HERC2: variants seen among roughly 807,000 people sequenced by gnomAD.
The protein encoded by HERC2 is E3 ubiquitin-protein ligase HERC2.
HERC2 carries 102 observed loss-of-function variants against 537.7 expected under a neutral mutation model. The observed-to-expected ratio is 0.19, with a 90% CI of 0.16 to 0.22. The LOEUF (loss-of-function observed/expected upper bound fraction) is 0.22. Ranked by LOEUF, HERC2 falls within the 10% of genes least tolerant of loss-of-function variation. HERC2 has a pLI of 1.00. For synonymous variants in HERC2, 2,224 were observed against 2,466.2 expected (o/e 0.90, Z 2.91); for missense variants, 4,236 against 6,198.2 (o/e 0.68, Z 10.63).
At chr15:28,276,012 C>T (rs2075861917) in intron 5 of HERC2, among the ~76,000 whole-genome samples, 1 of 151,262 alleles carries the variant, frequency 6.6e-6, no homozygotes, top group South Asian at 2.1e-4. Context: ...TATGACGAAA[C>T]CCTGTCTCCA....
intron 26 of HERC2, among the ~76,000 whole-genome samples, chr15:28,235,474 C>T (rs946052336): frequency 6.6e-6 from 1 of 152,134 alleles, no homozygotes; most frequent in Admixed American, 6.5e-5. Context: ...GCCCAGCACC[C>T]AGCACTGCAC....
chr15:28,196,307 C>A lies in HERC2; in HGVS notation c.8168G>T (p.Cys2723Phe), dbSNP rs1596192333. Residue 2723 changes from cysteine (C) to phenylalanine (F), a missense_variant, in exon 52 of 93, where the codon TGC (cysteine) becomes TTC (phenylalanine). Transcript: ENST00000261609. Reference sequence around the variant, plus strand: ...AAAATCAAAGTCATCACAGTTTCTGCATTTGAATCTGGATCCATTGATAGG... The same window carrying A: ...AAAATCAAAGTCATCACAGTTTCTGAATTTGAATCTGGATCCATTGATAGG... ...MFPINGSRFK[C>F]RNCDDFDFCE... 1 of 1,447,002 alleles carries A rather than the reference C, an allele frequency of 6.9e-7. No individual in the cohort carries two copies. Among genetic ancestry groups the A allele is most frequent in the East Asian group, 2.3e-5 (1 of 43,768 alleles). 89.6% of individuals were successfully genotyped at this position (1,447,002 alleles called of 1,614,324 possible).
intron 23 of HERC2, among the ~76,000 whole-genome samples, chr15:28,239,323 A>G (rs1172885898): frequency 1.3e-5 from 2 of 152,206 alleles, no homozygotes; most frequent in East Asian, 1.9e-4. Context: ...AAAGAAAAAC[A>G]CCAAATCAAT....
chr15:28,268,337 T>G lies in HERC2; in HGVS notation c.1598+128A>C. 1 of 816,882 alleles carries G rather than the reference T, an allele frequency of 1.2e-6. No individual in the cohort carries two copies. The highest frequency in any genetic ancestry group is 2.6e-5 in the East Asian group (1 of 39,002). The allele number at this position is 816,882 out of a possible 1,614,324, so 50.6% of individuals were successfully genotyped here. On this transcript the variant is annotated intron_variant, in intron 12 of 92. Transcript: ENST00000261609. The surrounding 1 kb of genome is among the most constrained non-coding windows in gnomAD (Gnocchi z 4.7). Reference sequence around the variant, plus strand: ...AAGGAGGAGGCATATCGTAGTGTCCTGCTCCATCCCAGCGCTACATGTCAG... The same window carrying G: ...AAGGAGGAGGCATATCGTAGTGTCCGGCTCCATCCCAGCGCTACATGTCAG...
At chr15:28,270,248 G>A (rs866297828) in intron 10 of HERC2, among the ~76,000 whole-genome samples, 1 of 143,228 alleles carries the variant, frequency 7.0e-6, no homozygotes, top group Non-Finnish European at 1.5e-5. Flanking sequence ...TTTATTTATA[G>A]ATAGATAGAT....
At chr15:28,197,323 C>T (rs1465498047) in intron 50 of HERC2, among the ~76,000 whole-genome samples, 1 of 152,192 alleles carries the variant, frequency 6.6e-6, no homozygotes, top group Non-Finnish European at 1.5e-5. Context: ...ACATAGTATA[C>T]CTTTCAAAGT....
intron 83 of HERC2, among the ~76,000 whole-genome samples, chr15:28,125,959 G>A (rs781392018): frequency 1.3e-5 from 2 of 152,168 alleles, no homozygotes; most frequent in East Asian, 1.9e-4. Context: ...TCACAGGCAC[G>A]CACCACCATG....
intron 56 of HERC2, among the ~76,000 whole-genome samples, chr15:28,186,230 T>C (rs1449592653): frequency 6.6e-6 from 1 of 152,134 alleles, no homozygotes; most frequent in Non-Finnish European, 1.5e-5. Flanking sequence ...CAAAAAGAGC[T>C]TTAAAATATA....
chr15:28,177,155 C>G lies in HERC2; in HGVS notation c.9255-28G>C. On this transcript the variant is annotated intron_variant, in intron 60 of 92. Coordinates refer to ENST00000261609, the MANE Select transcript of HERC2 (RefSeq NM_004667.6). This position sits in a 1 kb window ranked among gnomAD's most constrained non-coding sequence, Gnocchi z 5.0. The stretch of plus-strand genomic sequence containing the variant: ...ACAACAAGATGAAATCAGCTCTCTA[C>G]AGTCAATCTGTCCCTTCTTAGAGAT... The G allele has an allele frequency of 6.3e-7, 1 of 1,595,604 alleles. No homozygotes were observed. The highest frequency in any genetic ancestry group is 2.2e-5 in the East Asian group (1 of 44,526).
intron 19 of HERC2, 83 bp from the exon 20 acceptor site, chr15:28,254,601 A>AGT (rs1455934520): frequency 3.0e-5 from 26 of 868,414 alleles, no homozygotes; most frequent in African/African-American, 2.9e-4. Flanking sequence ...CCCTAACCCC[A>AGT]GTGCCAAGCT....
intron 2 of HERC2, among the ~76,000 whole-genome samples, chr15:28,311,717 A>G (rs553968767): frequency 5.3e-5 from 8 of 152,066 alleles, no homozygotes; most frequent in African/African-American, 1.2e-4. Context: ...ACTGTAGGTG[A>G]TGTCCTGGAG....
chr15:28,235,021 G>A (rs1373149648), intron 26 of HERC2, among the ~76,000 whole-genome samples: 8 of 152,116 alleles, frequency 5.3e-5, no homozygotes, highest in Admixed American at 4.6e-4. Context: ...CAACCAGTGC[G>A]AACGTTAATT....
chr15:28,247,782 T>TCA lies in HERC2; in HGVS notation c.3235+768_3235+769dup, dbSNP rs566218459. 3.1e-3 allele frequency among the ~76,000 whole-genome samples: 469 copies of TCA among 152,318 alleles called. 1 individual carries two copies. The highest frequency in any genetic ancestry group is 4.2e-3 in the Non-Finnish European group (284 of 68,030). On this transcript the variant is annotated intron_variant, in intron 21 of 92. Transcript: ENST00000261609. Reference sequence around the variant, plus strand: ...CCTTGTGACTTTGTCTTTAAGATGGTCACCTCTTTCAAACTATCAGCTCAC... The same window carrying TCA: ...CCTTGTGACTTTGTCTTTAAGATGGTCACACCTCTTTCAAACTATCAGCTCAC...
intron 17 of HERC2, 131 bp downstream of exon 17, chr15:28,256,930 G>T: frequency 1.3e-6 from 1 of 787,808 alleles, no homozygotes; most frequent in Non-Finnish European, 2.1e-6. Context: ...TCCATTATTA[G>T]TGCATTACAA....
intron 76 of HERC2, 114 bp downstream of exon 76, chr15:28,142,124 G>T: frequency 8.7e-7 from 1 of 1,151,906 alleles, no homozygotes; most frequent in Non-Finnish European, 1.2e-6. Context: ...TATTTTCTTT[G>T]ATATTCCTTG....
chr15:28,244,866 C>T (rs1021387398), intron 23 of HERC2, among the ~76,000 whole-genome samples: 28 of 152,158 alleles, frequency 1.8e-4, no homozygotes, highest in Admixed American at 1.2e-3. Flanking sequence ...AGAAAAAAAG[C>T]CCATCCAGCT....
chr15:28,179,580 A>G (rs1430179881), intron 57 of HERC2, among the ~76,000 whole-genome samples: 1 of 152,244 alleles, frequency 6.6e-6, no homozygotes, highest in Non-Finnish European at 1.5e-5. Context: ...ACTCTCCTGT[A>G]CTTTCTATCA....
Position 28,198,662 on chromosome 15 carries a change from C to T in HERC2, c.7824G>A (p.Gln2608=). ...TGCCCCCTTTCTGCTGCCAGTCACACTGCACATTGAGATCATGCAATCCAT... is the reference window on the plus strand; with the variant it reads ...TGCCCCCTTTCTGCTGCCAGTCACATTGCACATTGAGATCATGCAATCCAT... ...DRDGLHDLNV[Q]CDWQQKGGTY... is the part of the protein sequence containing the mutation. The change falls in exon 49 of 93, where the codon CAG becomes CAA. Residue 2608 remains glutamine, a synonymous_variant. Coordinates refer to ENST00000261609, the MANE Select transcript of HERC2 (RefSeq NM_004667.6). The T allele has an allele frequency of 6.2e-7, 1 of 1,614,190 alleles. No individual in the cohort carries two copies. The highest frequency in any genetic ancestry group is 8.5e-7 in the Non-Finnish European group (1 of 1,180,018).
chr15:28,287,082 T>A (rs77416688), intron 4 of HERC2, among the ~76,000 whole-genome samples: 13,445 of 152,168 alleles, frequency 0.088, 1,059 homozygotes, highest in East Asian at 0.42. Flanking sequence ...CTGTATAATT[T>A]TTTTCATAAT....
Sources: allele counts gnomAD v4.1 joint callset (sites outside exome capture counted in the v4.1 genomes callset), GRCh38; gene constraint gnomAD v4.1.1; non-coding constraint Gnocchi (gnomAD v3.1); transcripts MANE v1.5; gene names NCBI Gene and HGNC (gene_info 2026-07-23, HGNC 2026-07-21).